The following DOK1 variants were observed in gnomAD, a reference collection of about 807,000 sequenced individuals.
DOK1 encodes Downstream of tyrosine kinase 1.
A neutral mutation model predicts 24.0 loss-of-function variants in DOK1; 12 were observed. The observed-to-expected ratio is 0.50, with a 90% CI of 0.32 to 0.81. The LOEUF (loss-of-function observed/expected upper bound fraction) is 0.81. Ranked by LOEUF, DOK1 falls within the 30% of genes least tolerant of loss-of-function variation. The probability of loss-of-function intolerance (pLI) is 0.03; values close to 1 mark genes in which losing one functional copy is unlikely to be tolerated. For missense variants in DOK1, 591 were observed against 620.7 expected (o/e 0.95, Z 0.51); for synonymous variants, 250 against 260.9 (o/e 0.96, Z 0.40).
chr2:74,555,569 C>T lies in DOK1; in HGVS notation c.361-6C>T. 6.2e-7 allele frequency: 1 copy of T among 1,611,276 alleles called. No individual in the cohort carries two copies. The highest frequency in any genetic ancestry group is 1.4e-5 in the African/African-American group (1 of 73,064). ...ATTACGGGTTTCTCGATGCTCTCTACTACAGAAAGGCAGCTGGACTCTGGC... is the reference window on the plus strand; with the variant it reads ...ATTACGGGTTTCTCGATGCTCTCTATTACAGAAAGGCAGCTGGACTCTGGC... On this transcript the variant is annotated splice_region_variant and splice_polypyrimidine_tract_variant and intron_variant, in intron 2 of 4. Coordinates refer to ENST00000233668, the MANE Select transcript of DOK1 (RefSeq NM_001381.5). This position sits in a 1 kb window ranked among gnomAD's most constrained non-coding sequence, Gnocchi z 6.1.
At chr2:74,552,596 C>T (rs762115902), upstream of DOK1, 5 of 1,589,262 alleles carry the variant, frequency 3.1e-6, no homozygotes, top group African/African-American at 1.3e-5. Context: ...ACAGCAGCAG[C>T]CCCCAGGGGC....
rs1676842924 is a variant in DOK1, at chr2:74,549,399, C to T, written c.-358+227C>T. 1 of 1,610,770 alleles carries T rather than the reference C, an allele frequency of 6.2e-7. No individual in the cohort carries two copies. The highest frequency in any genetic ancestry group is 8.5e-7 in the Non-Finnish European group (1 of 1,178,218). ...GAAGGCCGCGTTGACCCTCTTTTCG[C>T]TGGGGAAGCCCAGCATCCCGCAGAC... On this transcript the variant is annotated intron_variant, in intron 1 of 4. Transcript: ENST00000409429. This position sits in a 1 kb window ranked among gnomAD's most constrained non-coding sequence, Gnocchi z 5.3.
chr2:74,552,573 CT>C, upstream of DOK1: 1 of 1,608,674 alleles, frequency 6.2e-7, no homozygotes. Context: ...CAAGCACGAA[CT>C]GCACAGCAGG....
chr2:74,555,984 G>C lies in DOK1; in HGVS notation c.545G>C (p.Arg182Thr). Residue 182 changes from arginine to threonine, a missense_variant, in exon 4 of 5, where the codon AGG becomes ACG. Transcript: ENST00000233668. This position sits in a 1 kb window ranked among gnomAD's most constrained non-coding sequence, Gnocchi z 6.1. ...GSYVLRVEAE[R>T]LTLLTVGAQS... The stretch of plus-strand genomic sequence containing the variant: ...TACGTGCTGAGGGTGGAGGCTGAAA[G>C]GCTGACTCTCCTGACCGTGGGGGCC... 6.2e-7 allele frequency: 1 copy of C among 1,613,934 alleles called. No individual in the cohort carries two copies. The highest frequency in any genetic ancestry group is 1.3e-5 in the African/African-American group (1 of 75,056).
chr2:74,552,535 C>T (rs755580751), upstream of DOK1: 40 of 1,612,926 alleles, frequency 2.5e-5, 1 homozygote, highest in South Asian at 3.3e-5. Flanking sequence ...GCCTTCTTCT[C>T]AGGGCCCGTG....
At position 74,555,936 on chromosome 2, in the gene DOK1, A is replaced by G. The variant is rs889317877; in HGVS notation, c.497A>G (p.Glu166Gly). ...ACGGTGCAGAGGACTGAGGCCGCCGAGCGCTGTGGCCTGCATGGCTCCTAC... is the reference window on the plus strand; with the variant it reads ...ACGGTGCAGAGGACTGAGGCCGCCGGGCGCTGTGGCCTGCATGGCTCCTAC... Reference protein sequence around the residue: ...WVTVQRTEAAERCGLHGSYVL... With the variant: ...WVTVQRTEAAGRCGLHGSYVL... Residue 166 changes from glutamate to glycine, a missense_variant, in exon 4 of 5, where the codon GAG becomes GGG. By Grantham distance (98) the Glu-to-Gly change is moderately conservative. Coordinates refer to ENST00000233668, the MANE Select transcript of DOK1 (RefSeq NM_001381.5). The surrounding 1 kb of genome is among the most constrained non-coding windows in gnomAD (Gnocchi z 6.1). 1 of 1,612,984 alleles carries G rather than the reference A, an allele frequency of 6.2e-7. No individual in the cohort carries two copies. The highest frequency in any genetic ancestry group is 8.5e-7 in the Non-Finnish European group (1 of 1,179,494).
rs1558629616 is a variant in DOK1, at chr2:74,549,660, C to T, written c.-358+488C>T. ...GTCCCGCCGCCCTTAAGGAACCCTG[C>T]TTGGTGTGCCTGCTGTAAACCCAGT... On this transcript the variant is annotated intron_variant, in intron 1 of 4. Coordinates refer to the DOK1 transcript ENST00000409429. This position sits in a 1 kb window ranked among gnomAD's most constrained non-coding sequence, Gnocchi z 5.3. 52 of 1,496,310 alleles carry T rather than the reference C, an allele frequency of 3.5e-5. No homozygotes were observed. The South Asian group carries it at 6.5e-4, about 19-fold the overall frequency. 92.7% of individuals were successfully genotyped at this position (1,496,310 alleles called of 1,614,324 possible). A position where few individuals can be genotyped will look rare whatever the true frequency, so the allele number is the denominator to read the frequency against.
chr2:74,552,064 T>C (rs1052265177), upstream of DOK1, among the ~76,000 whole-genome samples: 7 of 152,248 alleles, frequency 4.6e-5, no homozygotes, highest in African/African-American at 1.7e-4. Context: ...ATCATACTTT[T>C]GCAGCAGAAA....
At position 74,555,662 on chromosome 2, in the gene DOK1, T is replaced by C; in HGVS notation, c.448T>C (p.Trp150Arg). ...GGAGAACTCCTTGTACAGCCCTACC[T>C]GGGAAGGTAGACGCCTCAGAAGCCC... ...MLENSLYSPT[W>R]EGSQFWVTVQ... The change falls in exon 3 of 5, where the codon TGG becomes CGG. Residue 150 changes from tryptophan to arginine, a missense_variant. Transcript: ENST00000233668. This position sits in a 1 kb window ranked among gnomAD's most constrained non-coding sequence, Gnocchi z 6.1. The C allele has an allele frequency of 1.9e-6, 3 of 1,613,800 alleles. No homozygotes were observed. The highest frequency in any genetic ancestry group is 2.2e-5 in the South Asian group (2 of 91,052).
At chr2:74,549,767 C>A, upstream of DOK1, 3 of 1,428,694 alleles carry the variant, frequency 2.1e-6, no homozygotes, top group South Asian at 4.7e-5. This position sits in a 1 kb window ranked among gnomAD's most constrained non-coding sequence, Gnocchi z 5.3. Context: ...CAGCCAGCAG[C>A]GCGTGGGATG....
chr2:74,556,793 C>G lies in DOK1; in HGVS notation c.1125C>G (p.Gly375=), dbSNP rs755891238. ...PEGLAPVPPQ[G]LYDLPREPKD... ...GCCTGGCCCCAGTCCCTCCCCAGGGCCTTTATGATCTGCCTCGGGAGCCCA... is the reference window on the plus strand; with the variant it reads ...GCCTGGCCCCAGTCCCTCCCCAGGGGCTTTATGATCTGCCTCGGGAGCCCA... Residue 375 remains glycine, a synonymous_variant, in exon 5 of 5, where the codon GGC becomes GGG. Coordinates refer to ENST00000233668, the MANE Select transcript of DOK1 (RefSeq NM_001381.5). This position sits in a 1 kb window ranked among gnomAD's most constrained non-coding sequence, Gnocchi z 4.1. 6.2e-7 allele frequency: 1 copy of G among 1,614,062 alleles called. No individual in the cohort carries two copies. Among genetic ancestry groups the G allele is most frequent in the Non-Finnish European group, 8.5e-7 (1 of 1,180,030 alleles).
chr2:74,549,293 C>A lies in DOK1; in HGVS notation c.-358+121C>A. 1 of 1,456,076 alleles carries A rather than the reference C, an allele frequency of 6.9e-7. No individual in the cohort carries two copies. The highest frequency in any genetic ancestry group is 9.1e-7 in the Non-Finnish European group (1 of 1,097,520). The allele number at this position is 1,456,076 out of a possible 1,614,324, so 90.2% of individuals were successfully genotyped here. On this transcript the variant is annotated intron_variant, in intron 1 of 4. Transcript: ENST00000409429. The surrounding 1 kb of genome is among the most constrained non-coding windows in gnomAD (Gnocchi z 5.3). ...GGTCCTCCCGTGCCCCGGACCTGCT[C>A]AGATGTCTCCCAAGGCTATTCATCA...
upstream of DOK1, chr2:74,552,538 G>A (rs779618483): frequency 4.3e-6 from 7 of 1,612,954 alleles, no homozygotes; most frequent in Non-Finnish European, 5.9e-6. Context: ...TTCTTCTCAG[G>A]GCCCGTGGAA....
In DOK1 at chr2:74,556,833, T is replaced by TGCCTCGGGA; in HGVS notation, c.1168_1169insTCGGGAGCC (p.Cys389_Gln390insLeuGlySer). 1 of 1,614,102 alleles carries TGCCTCGGGA rather than the reference T, an allele frequency of 6.2e-7. No individual in the cohort carries two copies. Among genetic ancestry groups the TGCCTCGGGA allele is most frequent in the South Asian group, 1.1e-5 (1 of 91,076 alleles). On this transcript the variant is annotated inframe_insertion, in exon 5 of 5. Coordinates refer to ENST00000233668, the MANE Select transcript of DOK1 (RefSeq NM_001381.5). The surrounding 1 kb of genome is among the most constrained non-coding windows in gnomAD (Gnocchi z 4.1). Reference sequence around the variant, plus strand: ...TCGGGAGCCCAAGGATGCATGGTGGTGCCAAGCTCGGGTGAAGGAGGAGGG... The same window carrying TGCCTCGGGA: ...TCGGGAGCCCAAGGATGCATGGTGGTGCCTCGGGAGCCAAGCTCGGGTGAAGGAGGAGGG...
upstream of DOK1, chr2:74,552,688 T>C: frequency 6.9e-7 from 1 of 1,447,774 alleles, no homozygotes; most frequent in South Asian, 1.4e-5. Flanking sequence ...AGAAACAGAT[T>C]GAGTGGGGCC....
chr2:74,557,102 G>A lies in DOK1; in HGVS notation c.1434G>A (p.Glu478=). 6.2e-7 allele frequency: 1 copy of A among 1,607,214 alleles called. No individual in the cohort carries two copies. The highest frequency in any genetic ancestry group is 1.7e-5 in the Admixed American group (1 of 59,782). The part of the protein sequence containing the change: ...VGTDKTGVKS[E]GST ...CTGACAAGACTGGGGTCAAGTCAGA[G>A]GGCTCTACCTGAGAAGGACGGCAAG... The change falls in exon 5 of 5, where the codon GAG becomes GAA. Residue 478 remains glutamate, a synonymous_variant. Coordinates refer to ENST00000233668, the MANE Select transcript of DOK1 (RefSeq NM_001381.5).
upstream of DOK1, chr2:74,554,355 G>A (rs1168367946): frequency 2.0e-5 from 4 of 204,000 alleles, no homozygotes; most frequent in Non-Finnish European, 3.0e-5. The surrounding 1 kb of genome is among the most constrained non-coding windows in gnomAD (Gnocchi z 4.9). Context: ...CCCGGCCAGG[G>A]TAAATAAAGC....
Position 74,556,879 on chromosome 2 carries a change from C to T in DOK1, c.1211C>T (p.Pro404Leu), listed in dbSNP as rs753672963. Residue 404 changes from proline to leucine, a missense_variant, in exon 5 of 5, where the codon CCT becomes CTT. Transcript: ENST00000233668. This position sits in a 1 kb window ranked among gnomAD's most constrained non-coding sequence, Gnocchi z 4.1. Reference protein sequence around the residue: ...KEEGYELPYNPATDDYAVPPP... With the variant: ...KEEGYELPYNLATDDYAVPPP... ...GAGGGCTATGAGCTCCCCTACAACC[C>T]TGCCACTGATGACTACGCTGTGCCA... The T allele has an allele frequency of 1.9e-6, 3 of 1,614,192 alleles. No individual in the cohort carries two copies. Among genetic ancestry groups the T allele is most frequent in the Non-Finnish European group, 2.5e-6 (3 of 1,180,044 alleles).
rs370135352 is a variant in DOK1 at position 74,555,934 on chromosome 2, C to G, written c.495C>G (p.Ala165=). The change falls in exon 4 of 5, where the codon GCC becomes GCG. Residue 165 remains alanine (A), a synonymous_variant. Coordinates refer to ENST00000233668, the MANE Select transcript of DOK1 (RefSeq NM_001381.5). The surrounding 1 kb of genome is among the most constrained non-coding windows in gnomAD (Gnocchi z 6.1). ...FWVTVQRTEA[A]ERCGLHGSYV... ...TAACGGTGCAGAGGACTGAGGCCGC[C>G]GAGCGCTGTGGCCTGCATGGCTCCT... 2.5e-6 allele frequency: 4 copies of G among 1,612,782 alleles called. No homozygotes were observed. The highest frequency in any genetic ancestry group is 2.2e-5 in the East Asian group (1 of 44,880).
Sources: gnomAD v4.1 joint callset for allele counts (sites outside exome capture counted in the v4.1 genomes callset) on GRCh38, gnomAD v4.1.1 for gene constraint, Gnocchi (gnomAD v3.1) non-coding constraint, MANE v1.5 for transcripts, NCBI Gene and HGNC (gene_info 2026-07-23, HGNC 2026-07-21) for gene names.